Variants in TMEM131L observed in about 807,000 individuals in gnomAD.
The protein encoded by TMEM131L is transmembrane 131 like, also known as transmembrane protein 131-like.
In TMEM131L, 54 loss-of-function variants were observed where a neutral mutation model predicts 192.2. That is an observed-to-expected ratio of 0.28 (90% CI 0.23 to 0.35). TMEM131L has a LOEUF of 0.35. Ranked by LOEUF, TMEM131L falls within the 10% of genes least tolerant of loss-of-function variation. The pLI is 1.00. For synonymous variants in TMEM131L, 701 were observed against 704.9 expected (o/e 0.99, Z 0.09); for missense variants, 1,888 against 1,972.9 (o/e 0.96, Z 0.82).
chr4:153,480,334 G>C (rs1035791362), intron 3 of TMEM131L, among the ~76,000 whole-genome samples: 1 of 150,272 alleles, frequency 6.7e-6, no homozygotes, highest in Non-Finnish European at 1.5e-5. Context: ...GCGAGACTCC[G>C]TCTCAAAAGA....
In TMEM131L at chr4:153,555,052, C is replaced by T. The variant is rs185662745; in HGVS notation, c.309-735C>T. ...TTTTGAAGCTGTGTATGAAACTTTT[C>T]GTAAGTGTATGTTTGTGGAGGGAAG... On this transcript the variant is annotated intron_variant, in intron 4 of 34. Transcript: ENST00000409959. The surrounding 1 kb of genome is among the most constrained non-coding windows in gnomAD (Gnocchi z 4.1). Among the ~76,000 whole-genome samples, 348 of 152,256 alleles carry T rather than the reference C, an allele frequency of 2.3e-3. 3 individuals are homozygous for T. The highest frequency in any genetic ancestry group is 8.4e-4 in the Non-Finnish European group (57 of 68,032).
At chr4:153,551,759 G>A (rs1036121407) in intron 4 of TMEM131L, among the ~76,000 whole-genome samples, 1 of 152,134 alleles carries the variant, frequency 6.6e-6, no homozygotes, top group African/African-American at 2.4e-5. Context: ...AATTCTAGGT[G>A]TCTGTTTTTT....
chr4:153,584,858 A>G lies in TMEM131L; in HGVS notation c.1084A>G (p.Ile362Val). The G allele has an allele frequency of 6.2e-7, 1 of 1,614,008 alleles. No individual in the cohort carries two copies. Among genetic ancestry groups the G allele is most frequent in the Non-Finnish European group, 8.5e-7 (1 of 1,179,832 alleles). The change falls in exon 12 of 35, where the codon ATT becomes GTT. Residue 362 changes from isoleucine to valine, a missense_variant. Coordinates refer to ENST00000409959, the MANE Select transcript of TMEM131L (RefSeq NM_001131007.2). ...CKAATSCDSG[I>V]IEDVKKTTHT... ...AGCAGCTACATCATGTGACAGTGGA[A>G]TTATAGAAGATGTGAAGAAAACAAC...
chr4:153,502,375 G>A (rs1022531876), intron 3 of TMEM131L, among the ~76,000 whole-genome samples: 1 of 152,196 alleles, frequency 6.6e-6, no homozygotes, highest in Non-Finnish European at 1.5e-5. Context: ...AAGGAGGACA[G>A]GAAAACAGCT....
In TMEM131L at chr4:153,472,538, A is replaced by C. The variant is rs143991774; in HGVS notation, c.196-1307A>C. On this transcript the variant is annotated intron_variant, in intron 2 of 34. Coordinates refer to ENST00000409959, the MANE Select transcript of TMEM131L (RefSeq NM_001131007.2). ...AGGTGTCAGGGATATTACAGTAGAC[A>C]AAAAAAAACAAAAAACACCTGCCCT... is the stretch of plus-strand genomic sequence containing the variant. 4.0e-4 allele frequency among the ~76,000 whole-genome samples: 60 copies of C among 150,862 alleles called. No homozygotes were observed. The Middle Eastern group carries it at 0.017, about 43-fold the overall frequency.
At chr4:153,572,580 C>T (rs1328958656) in intron 7 of TMEM131L, among the ~76,000 whole-genome samples, 1 of 152,176 alleles carries the variant, frequency 6.6e-6, no homozygotes, top group Non-Finnish European at 1.5e-5. Flanking sequence ...ATCCACCTGC[C>T]TCAGCCTCCC....
At chr4:153,626,074 T>C in intron 29 of TMEM131L, 73 bp from the exon 30 acceptor site, 1 of 877,384 alleles carries the variant, frequency 1.1e-6, no homozygotes, top group Non-Finnish European at 1.9e-6. Flanking sequence ...TAATAACCTA[T>C]GCATTTTAAT....
chr4:153,528,281 C>T (rs1038932357), intron 3 of TMEM131L, among the ~76,000 whole-genome samples: 3 of 152,224 alleles, frequency 2.0e-5, no homozygotes, highest in South Asian at 2.1e-4. Context: ...TGCGTTTGAG[C>T]TCCCAGCAGT....
intron 3 of TMEM131L, among the ~76,000 whole-genome samples, chr4:153,544,378 A>G (rs529035898): frequency 6.6e-6 from 1 of 152,342 alleles, no homozygotes; most frequent in South Asian, 2.1e-4. Context: ...GCCAGCACAC[A>G]TCCACAGCAC....
At chr4:153,552,006 C>T (rs796728160) in intron 4 of TMEM131L, among the ~76,000 whole-genome samples, 85 of 151,920 alleles carry the variant, frequency 5.6e-4, no homozygotes, top group African/African-American at 2.0e-3. Context: ...CTCAGGAGTT[C>T]GAGACCAGCG....
chr4:153,566,518 A>AGTGAGT (rs1554034169), intron 7 of TMEM131L, among the ~76,000 whole-genome samples: 1 of 145,758 alleles, frequency 6.9e-6, no homozygotes, highest in Non-Finnish European at 1.5e-5. Flanking sequence ...TGTGAGTGTG[A>AGTGAGT]GTGTGTGTGT....
Position 153,539,930 on chromosome 4 carries a change from G to A in TMEM131L, c.240-10143G>A, listed in dbSNP as rs59510940. Among the ~76,000 whole-genome samples the A allele has an allele frequency of 1.4e-4, 21 of 151,870 alleles. No homozygotes were observed. In the East Asian group the frequency reaches 3.7e-3, roughly 27 times the overall value. ...GTTCCAGACCAGCCTGACCAACGTG[G>A]AGAAACCCCGTCTCTACTAAAAATA... is the stretch of plus-strand genomic sequence containing the variant. On this transcript the variant is annotated intron_variant, in intron 3 of 34. Coordinates refer to ENST00000409959, the MANE Select transcript of TMEM131L (RefSeq NM_001131007.2).
At position 153,632,719 on chromosome 4, in the gene TMEM131L, T is replaced by C. The variant is rs1164939088; in HGVS notation, c.4209T>C (p.Gly1403=). The change falls in exon 32 of 35, where the codon GGT becomes GGC. Residue 1403 remains glycine (G), a splice_region_variant and synonymous_variant. Coordinates refer to ENST00000409959, the MANE Select transcript of TMEM131L (RefSeq NM_001131007.2). ...AGPTGVEEDK[G]LYSPGDLWPT... ...CTCAGGCCTTGTTCTCTTCCGTAGG[T>C]CTTTACTCACCTGGAGACCTGTGGC... 1.9e-6 allele frequency: 3 copies of C among 1,613,904 alleles called. No homozygotes were observed. The East Asian group carries it at 6.7e-5, about 36-fold the overall frequency.
At chr4:153,604,459 T>C in intron 25 of TMEM131L, 29 bp downstream of exon 25, 1 of 1,567,068 alleles carries the variant, frequency 6.4e-7, no homozygotes, top group South Asian at 1.2e-5. Context: ...TTGATAATTC[T>C]CTCCTGTTTG....
At chr4:153,485,429 C>G (rs893418732) in intron 3 of TMEM131L, among the ~76,000 whole-genome samples, 1 of 152,198 alleles carries the variant, frequency 6.6e-6, no homozygotes, top group Non-Finnish European at 1.5e-5. Context: ...GATTTGCCCC[C>G]CTGTGAAGTG....
chr4:153,583,713 C>A, intron 11 of TMEM131L, 41 bp downstream of exon 11: 1 of 1,187,464 alleles, frequency 8.4e-7, no homozygotes, highest in Non-Finnish European at 1.2e-6. Context: ...CTTTTGTTAT[C>A]TGGTTGTCAT....
At chr4:153,603,672 C>T (rs1732005053) in intron 24 of TMEM131L, 130 bp from the exon 25 acceptor site, 1 of 1,128,542 alleles carries the variant, frequency 8.9e-7, no homozygotes, top group Non-Finnish European at 1.2e-6. Context: ...ACTCTTGGAG[C>T]TTTGGAAGAA....
At chr4:153,553,328 A>G (rs752748965) in intron 4 of TMEM131L, among the ~76,000 whole-genome samples, 1 of 152,264 alleles carries the variant, frequency 6.6e-6, no homozygotes, top group Non-Finnish European at 1.5e-5. Context: ...AAGGAATGCC[A>G]TTTGCTCAAG....
intron 31 of TMEM131L, among the ~76,000 whole-genome samples, chr4:153,629,668 C>T (rs1734082207): frequency 6.6e-6 from 1 of 152,106 alleles, no homozygotes; most frequent in African/African-American, 2.4e-5. Flanking sequence ...CTTTTGAAAC[C>T]GTGCTGTCGG....
Sources: gnomAD v4.1 joint callset for allele counts (sites outside exome capture counted in the v4.1 genomes callset) on GRCh38, gnomAD v4.1.1 for gene constraint, Gnocchi (gnomAD v3.1) non-coding constraint, MANE v1.5 for transcripts, NCBI Gene and HGNC (gene_info 2026-07-23, HGNC 2026-07-21) for gene names.